Variants in POFUT3 observed in about 807,000 individuals in gnomAD.
POFUT3 encodes the protein GDP-fucose protein O-fucosyltransferase 3.
At chr8:33,385,690 T>C in the POFUT3 span, among the ~76,000 whole-genome samples, 1 of 152,070 alleles carries the variant, frequency 6.6e-6, no homozygotes, top group East Asian at 1.9e-4. Context: ...GAGATCAGCC[T>C]GGCCAACATG....
At chr8:33,342,816 A>G in the POFUT3 span, among the ~76,000 whole-genome samples, 10 of 152,182 alleles carry the variant, frequency 6.6e-5, no homozygotes, top group African/African-American at 2.4e-4. Context: ...CTTATCCTAA[A>G]GAAAACTGGC....
the POFUT3 span, among the ~76,000 whole-genome samples, chr8:33,442,725 G>T: frequency 2.0e-5 from 3 of 151,938 alleles, no homozygotes; most frequent in African/African-American, 7.3e-5. Flanking sequence ...CTCCTAAAGT[G>T]CTGGGATTAT....
chr8:33,328,990 G>T, the POFUT3 span, among the ~76,000 whole-genome samples: 4 of 152,156 alleles, frequency 2.6e-5, no homozygotes. Context: ...TATTTCATGT[G>T]ACATTTAGGT....
chr8:33,389,078 G>A, the POFUT3 span: 2 of 1,614,034 alleles, frequency 1.2e-6, no homozygotes, highest in East Asian at 4.5e-5. Flanking sequence ...CCTGAGAGCT[G>A]TCAGAAGTCG....
the POFUT3 span, among the ~76,000 whole-genome samples, chr8:33,345,398 C>CT: frequency 0.016 from 1,940 of 122,442 alleles, 45 homozygotes; most frequent in African/African-American, 0.044. Flanking sequence ...GTATATTTTA[C>CT]TTTTTTTTTT....
the POFUT3 span, among the ~76,000 whole-genome samples, chr8:33,380,096 TAC>T: frequency 1.5e-5 from 1 of 64,674 alleles, no homozygotes; most frequent in African/African-American, 9.6e-5. Context: ...ACTATATATA[TAC>T]ACTATATATA....
the POFUT3 span, among the ~76,000 whole-genome samples, chr8:33,331,169 G>T: frequency 2.7e-5 from 4 of 150,728 alleles, no homozygotes; most frequent in Admixed American, 2.0e-4. Flanking sequence ...GATGAAACCC[G>T]ATTTCTAATA....
chr8:33,394,084 C>T, the POFUT3 span: 1 of 155,816 alleles, frequency 6.4e-6, no homozygotes, highest in African/African-American at 2.4e-5. Context: ...ATTCAGGAGG[C>T]TGAGGTAGGA....
At chr8:33,377,803 A>G in the POFUT3 span, among the ~76,000 whole-genome samples, 1 of 152,224 alleles carries the variant, frequency 6.6e-6, no homozygotes, top group African/African-American at 2.4e-5. Flanking sequence ...GTTTCCAAAG[A>G]GAACGTGGTT....
the POFUT3 span, among the ~76,000 whole-genome samples, chr8:33,401,037 G>A: frequency 2.6e-5 from 4 of 152,130 alleles, no homozygotes; most frequent in African/African-American, 9.7e-5. Flanking sequence ...CTGGAGTACA[G>A]TGGCATGATC....
chr8:33,351,755 CAT>C, the POFUT3 span, among the ~76,000 whole-genome samples: 2 of 151,700 alleles, frequency 1.3e-5, no homozygotes, highest in Non-Finnish European at 2.9e-5. Flanking sequence ...GAGTGGAAAA[CAT>C]AAAACAGGCA....
the POFUT3 span, among the ~76,000 whole-genome samples, chr8:33,387,288 G>C: frequency 6.6e-6 from 1 of 152,086 alleles, no homozygotes; most frequent in East Asian, 1.9e-4. Context: ...TACAAAACAA[G>C]AAAGAAGAAT....
At chr8:33,372,993 A>T in the POFUT3 span, among the ~76,000 whole-genome samples, 1 of 152,198 alleles carries the variant, frequency 6.6e-6, no homozygotes, top group Non-Finnish European at 1.5e-5. Flanking sequence ...ACCCCATTTT[A>T]CAGGAGTGGA....
At chr8:33,315,344 C>G in the POFUT3 span, among the ~76,000 whole-genome samples, 2 of 152,158 alleles carry the variant, frequency 1.3e-5, no homozygotes, top group Non-Finnish European at 2.9e-5. Context: ...GATCATTAAT[C>G]CCTAAAAATG....
chr8:33,321,111 G>C, the POFUT3 span, among the ~76,000 whole-genome samples: 51,863 of 151,866 alleles, frequency 0.34, 9,489 homozygotes, highest in East Asian at 0.66. Flanking sequence ...TATGGCCCCT[G>C]GCTCAGGTAT....
chr8:33,308,943 C>A, the POFUT3 span, among the ~76,000 whole-genome samples: 1 of 150,904 alleles, frequency 6.6e-6, no homozygotes, highest in Non-Finnish European at 1.5e-5. Context: ...GACTCTGGAG[C>A]CCAGGCTGTT....
At chr8:33,453,477 C>A in the POFUT3 span, 1 of 1,612,050 alleles carries the variant, frequency 6.2e-7, no homozygotes, top group Non-Finnish European at 8.5e-7. Context: ...CTTTTAAACT[C>A]CTTCCTTTCA....
the POFUT3 span, among the ~76,000 whole-genome samples, chr8:33,462,154 GAGGGA>G: frequency 2.3e-4 from 12 of 51,662 alleles, no homozygotes; most frequent in Non-Finnish European, 4.1e-4. Flanking sequence ...AAAGGAAGGG[GAGGGA>G]AGGGGAAGGG....
the POFUT3 span, among the ~76,000 whole-genome samples, chr8:33,428,481 C>A: frequency 6.6e-6 from 1 of 152,194 alleles, no homozygotes; most frequent in Non-Finnish European, 1.5e-5. Context: ...TAGTCCTATT[C>A]TCCCCAAAAC....
Sources: allele counts gnomAD v4.1 joint callset (sites outside exome capture counted in the v4.1 genomes callset), GRCh38; gene constraint gnomAD v4.1.1; transcripts MANE v1.5; gene names NCBI Gene and HGNC (gene_info 2026-07-23, HGNC 2026-07-21).